RALGAPA1: variants seen among roughly 807,000 people sequenced by gnomAD.
The protein encoded by RALGAPA1 is ral GTPase-activating protein subunit alpha-1.
A neutral mutation model predicts 269.6 loss-of-function variants in RALGAPA1; 52 were observed. That is an observed-to-expected ratio of 0.19 (90% CI 0.15 to 0.24). RALGAPA1 has a LOEUF of 0.24. RALGAPA1 is among the 10% of genes least tolerant of loss of function. The pLI is 1.00. For missense variants in RALGAPA1, 1,917 were observed against 3,013.9 expected, an observed-to-expected ratio of 0.64 and a Z score of 8.52; for synonymous variants, 817 against 1,008.3, an observed-to-expected ratio of 0.81 and a Z score of 3.60.
chr14:35,544,516 ATTATT>A (rs2054284608), intron 41 of RALGAPA1, among the ~76,000 whole-genome samples: 1 of 152,168 alleles, frequency 6.6e-6, no homozygotes, highest in Non-Finnish European at 1.5e-5. Flanking sequence ...TAGCACAATT[ATTATT>A]TTATTATTTT....
At chr14:35,697,090 G>A (rs144241121) in intron 17 of RALGAPA1, among the ~76,000 whole-genome samples, 6 of 151,478 alleles carry the variant, frequency 4.0e-5, no homozygotes, top group East Asian at 3.9e-4. Context: ...ACTCTCCTTC[G>A]CTCTACACCT....
chr14:35,688,066 T>C (rs1036123676), intron 18 of RALGAPA1, among the ~76,000 whole-genome samples: 1 of 152,182 alleles, frequency 6.6e-6, no homozygotes, highest in Non-Finnish European at 1.5e-5. Flanking sequence ...GTTAGATATA[T>C]CTGGTGCCCT....
At chr14:35,557,441 TATC>T (rs2055739626) in intron 39 of RALGAPA1, among the ~76,000 whole-genome samples, 1 of 152,148 alleles carries the variant, frequency 6.6e-6, no homozygotes, top group African/African-American at 2.4e-5. Flanking sequence ...GTGATTTTAT[TATC>T]ATAGTAAGTA....
rs147301990 is a variant in RALGAPA1, at chr14:35,588,109, G to A, written c.7209+7525C>T. On this transcript the variant is annotated intron_variant, in intron 37 of 41. Coordinates refer to ENST00000680220, the MANE Select transcript of RALGAPA1 (RefSeq NM_001346249.2). Reference sequence around the variant, plus strand: ...TTTAGTAAAGACGGGGTTTCACCATGTTGGCCAGGATGCTCTCAATTTCTT... The same window carrying A: ...TTTAGTAAAGACGGGGTTTCACCATATTGGCCAGGATGCTCTCAATTTCTT... Among the ~76,000 whole-genome samples, 270 of 152,270 alleles carry A rather than the reference G, an allele frequency of 1.8e-3. 1 individual carries two copies. Among genetic ancestry groups the A allele is most frequent in the African/African-American group, 5.9e-3 (245 of 41,560 alleles).
At chr14:35,647,832 C>T (rs909122124) in intron 31 of RALGAPA1, among the ~76,000 whole-genome samples, 1 of 151,976 alleles carries the variant, frequency 6.6e-6, no homozygotes, top group African/African-American at 2.4e-5. Context: ...CTTGTAGCCC[C>T]AGCTACTAGG....
chr14:35,686,698 G>A, intron 18 of RALGAPA1, 32 bp from the exon 19 acceptor site: 1 of 1,310,704 alleles, frequency 7.6e-7, no homozygotes. Context: ...TATATAGTGA[G>A]GAAAAACTTA....
chr14:35,678,024 T>C lies in RALGAPA1; in HGVS notation c.4550A>G (p.Asp1517Gly), dbSNP rs1283658141. The C allele has an allele frequency of 5.0e-6, 8 of 1,613,368 alleles. No homozygotes were observed. The highest frequency in any genetic ancestry group is 2.7e-5 in the African/African-American group (2 of 74,884). ...QTPSPSTLNI[D>G]HMEQKDLQLD... ...CTGCAGATCCTTCTGTTCCATGTGA[T>C]CTATATTCAATGTAGAAGGGGAAGG... The change falls in exon 22 of 42, where the codon GAT (aspartate) becomes GGT (glycine). Residue 1517 changes from aspartate (D) to glycine (G), a missense_variant. Around this residue, in one of 11 missense-constraint regions of RALGAPA1, gnomAD observed 615 missense variants for 790.0 expected, o/e 0.78. Coordinates refer to ENST00000680220, the MANE Select transcript of RALGAPA1 (RefSeq NM_001346249.2).
chr14:35,792,165 T>A (rs1275921317), intron 1 of RALGAPA1, among the ~76,000 whole-genome samples: 1 of 152,030 alleles, frequency 6.6e-6, no homozygotes, highest in Non-Finnish European at 1.5e-5. Context: ...CATGCTCTTT[T>A]GGTTTTTTTG....
In RALGAPA1 at chr14:35,697,042, C is replaced by G. The variant is rs569610059; in HGVS notation, c.2407+3120G>C. On this transcript the variant is annotated intron_variant, in intron 17 of 41. Transcript: ENST00000680220. ...AATTTAGCACTATTTTTACAACTCT[C>G]TATTCTTATAACTCATACATTTTCT... 4.6e-5 allele frequency among the ~76,000 whole-genome samples: 7 copies of G among 152,256 alleles called. No individual in the cohort carries two copies. The South Asian group carries it at 1.2e-3, about 27-fold the overall frequency.
intron 18 of RALGAPA1, 135 bp downstream of exon 18, chr14:35,688,324 C>T (rs1473990391): frequency 5.5e-6 from 5 of 903,178 alleles, no homozygotes; most frequent in South Asian, 1.8e-5. Flanking sequence ...TGGGAAAAGG[C>T]GCATGCATAA....
At chr14:35,663,584 G>A (rs1382410308) in intron 27 of RALGAPA1, among the ~76,000 whole-genome samples, 1 of 147,516 alleles carries the variant, frequency 6.8e-6, no homozygotes, top group Non-Finnish European at 1.5e-5. Flanking sequence ...TAAACCCTTG[G>A]GAATTTTTTT....
chr14:35,553,604 T>C (rs1256524552), intron 39 of RALGAPA1, among the ~76,000 whole-genome samples: 1 of 152,154 alleles, frequency 6.6e-6, no homozygotes, highest in Non-Finnish European at 1.5e-5. Context: ...TCAGTTCAAA[T>C]CTAATTTGTG....
chr14:35,548,452 T>C, intron 41 of RALGAPA1, 56 bp downstream of exon 41: 1 of 1,341,162 alleles, frequency 7.5e-7, no homozygotes, highest in Middle Eastern at 1.9e-4. Context: ...CTGCTAATTT[T>C]GAAAAAAGGA....
chr14:35,546,354 T>A (rs937295850), intron 41 of RALGAPA1, among the ~76,000 whole-genome samples: 1 of 151,990 alleles, frequency 6.6e-6, no homozygotes, highest in Non-Finnish European at 1.5e-5. Flanking sequence ...AAAAAAATAA[T>A]GCTAAATGAC....
intron 36 of RALGAPA1, among the ~76,000 whole-genome samples, chr14:35,603,523 A>T (rs149330091): frequency 6.6e-6 from 1 of 152,310 alleles, no homozygotes; most frequent in African/African-American, 2.4e-5. Flanking sequence ...GGAAATCAGT[A>T]TATCAAACAG....
In RALGAPA1 at chr14:35,770,678, C is replaced by T. The variant is rs563370086; in HGVS notation, c.325+264G>A. Among the ~76,000 whole-genome samples, 3 of 152,172 alleles carry T rather than the reference C, an allele frequency of 2.0e-5. No individual in the cohort carries two copies. The South Asian group carries it at 6.2e-4, about 32-fold the overall frequency. On this transcript the variant is annotated intron_variant, in intron 4 of 41. Transcript: ENST00000680220. ...GATATTTGTCTTGATGCTAATCTTG[C>T]TTTTTTGTTTTATAGTTTTATCATC...
At chr14:35,610,610 A>T (rs768424985) in intron 35 of RALGAPA1, among the ~76,000 whole-genome samples, 29 of 152,278 alleles carry the variant, frequency 1.9e-4, no homozygotes, top group Non-Finnish European at 4.0e-4. Flanking sequence ...AACCAACCTT[A>T]AAAAGAAACA....
intron 37 of RALGAPA1, among the ~76,000 whole-genome samples, chr14:35,577,311 G>C (rs2057635544): frequency 6.6e-6 from 1 of 151,946 alleles, no homozygotes; most frequent in South Asian, 2.1e-4. Context: ...TAACCCCCCA[G>C]TGTGTTGGTA....
intron 27 of RALGAPA1, 148 bp downstream of exon 27, chr14:35,664,494 T>C: frequency 1.5e-6 from 1 of 658,406 alleles, no homozygotes; most frequent in Non-Finnish European, 2.5e-6. Flanking sequence ...CAAATGAACA[T>C]TCAAGCCTTT....
Sources: allele counts gnomAD v4.1 joint callset (sites outside exome capture counted in the v4.1 genomes callset), GRCh38; gene constraint gnomAD v4.1.1; regional missense constraint gnomAD v4.1.1; transcripts MANE v1.5; gene names NCBI Gene and HGNC (gene_info 2026-07-23, HGNC 2026-07-21).